Variants in ANKRD36C observed in about 807,000 individuals in gnomAD.
ANKRD36C encodes ankyrin repeat domain 36C, also known as ankyrin repeat domain-containing protein 36C.
In ANKRD36C, 61 loss-of-function variants were observed where a neutral mutation model predicts 276.4. That is an observed-to-expected ratio of 0.22 (90% confidence interval 0.18 to 0.27). The LOEUF (loss-of-function observed/expected upper bound fraction) is 0.27. Among genes scored for constraint, ANKRD36C ranks in the 10% least tolerant of loss-of-function variants. ANKRD36C has a pLI of 1.00. For missense variants in ANKRD36C, 1,447 were observed against 2,032.3 expected (o/e 0.71, Z 5.54); for synonymous variants, 483 against 680.1 (o/e 0.71, Z 4.51).
intron 16 of ANKRD36C, among the ~76,000 whole-genome samples, chr2:95,949,421 A>G (rs1474061456): frequency 6.6e-6 from 1 of 151,700 alleles, no homozygotes; most frequent in Non-Finnish European, 1.5e-5. Context: ...CACTATCTAA[A>G]TATCTTCCTT....
At chr2:95,914,540 A>C (rs1161370476) in intron 38 of ANKRD36C, among the ~76,000 whole-genome samples, 1 of 151,452 alleles carries the variant, frequency 6.6e-6, no homozygotes, top group Non-Finnish European at 1.5e-5. Flanking sequence ...TCATATGTCG[A>C]AAACTAAAAT....
At chr2:95,858,163 A>T (rs1188549434) in intron 61 of ANKRD36C, among the ~76,000 whole-genome samples, 4 of 151,582 alleles carry the variant, frequency 2.6e-5, no homozygotes, top group Non-Finnish European at 4.4e-5. Flanking sequence ...CGACCCAACC[A>T]CCTTGGGCAC....
chr2:95,885,938 A>G, intron 52 of ANKRD36C, 110 bp downstream of exon 72: 2 of 1,543,104 alleles, frequency 1.3e-6, no homozygotes, highest in Non-Finnish European at 1.8e-6. Context: ...AATCTCAAGC[A>G]TGCTGAATCC....
exon 37 of ANKRD36C, chr2:95,916,143 C>T: frequency 3.1e-6 from 5 of 1,605,348 alleles, no homozygotes; most frequent in Non-Finnish European, 4.2e-6. Flanking sequence ...GTTTCATTAC[C>T]TTCAAGGCTG....
chr2:95,946,046 A>G (rs1412433385), intron 17 of ANKRD36C, among the ~76,000 whole-genome samples: 1 of 151,528 alleles, frequency 6.6e-6, no homozygotes, highest in African/African-American at 2.4e-5. Context: ...TATGTAATAA[A>G]AAGTTTAATT....
rs772451362 is a variant in ANKRD36C, at chr2:95,851,906, G to A, written c.5220-119C>T. ...ATTCTTAGCAATCACAAAAGTAGAC[G>A]ATTGGGCTACTGTGTCATTTTTCTA... is the stretch of plus-strand genomic sequence containing the variant. On this transcript the variant is annotated intron_variant, in intron 65 of 66. Transcript: ENST00000456556. 39 of 1,134,956 alleles carry A rather than the reference G, an allele frequency of 3.4e-5. No individual in the cohort carries two copies. The South Asian group carries it at 4.8e-4, about 14-fold the overall frequency. The allele number at this position is 1,134,956 out of a possible 1,614,324, so 70.3% of individuals were successfully genotyped here.
chr2:95,956,948 G>A, intron 12 of ANKRD36C, 132 bp from the exon 13 acceptor site: 1 of 813,248 alleles, frequency 1.2e-6, no homozygotes, highest in Non-Finnish European at 1.9e-6. Context: ...AATATCACTT[G>A]AGAAGCCCAG....
exon 8 of ANKRD36C, chr2:95,962,398 G>A (rs777058477): frequency 3.8e-6 from 6 of 1,567,690 alleles, no homozygotes; most frequent in Non-Finnish European, 5.2e-6. Flanking sequence ...CTATATTCGA[G>A]ATAGAATCTT....
At chr2:95,864,161 C>A (rs1277627358) in intron 60 of ANKRD36C, among the ~76,000 whole-genome samples, 6 of 151,938 alleles carry the variant, frequency 3.9e-5, no homozygotes, top group African/African-American at 1.5e-4. Context: ...ATAATAAATT[C>A]TAAATGAGAC....
At chr2:95,942,354 C>A (rs1216827328) in intron 19 of ANKRD36C, among the ~76,000 whole-genome samples, 1 of 152,310 alleles carries the variant, frequency 6.6e-6, no homozygotes, top group Non-Finnish European at 1.5e-5. Context: ...TTAATGTATG[C>A]AGATATTTAT....
At chr2:95,852,291 G>A in intron 64 of ANKRD36C, 95 bp from the exon 85 acceptor site, 1 of 875,240 alleles carries the variant, frequency 1.1e-6, no homozygotes, top group Non-Finnish European at 1.8e-6. Flanking sequence ...AAATATTTTA[G>A]ACTATCAGAA....
At chr2:95,945,070 A>G (rs1447037410) in intron 18 of ANKRD36C, 44 bp downstream of exon 18, 3 of 1,515,642 alleles carry the variant, frequency 2.0e-6, no homozygotes, top group Non-Finnish European at 2.7e-6. Context: ...AAAGAAAAAA[A>G]AGAATCAGTA....
chr2:95,947,345 T>G (rs1016841519), intron 17 of ANKRD36C, among the ~76,000 whole-genome samples: 1 of 152,158 alleles, frequency 6.6e-6, no homozygotes, highest in African/African-American at 2.4e-5. Flanking sequence ...ATTAGATATC[T>G]CAGGCATATT....
rs753162989 is a variant in ANKRD36C at position 95,890,001 on chromosome 2, A to G, written c.2858-7T>C. On this transcript the variant is annotated splice_polypyrimidine_tract_variant and splice_region_variant and intron_variant, in intron 46 of 66. Coordinates refer to ENST00000456556, the Ensembl canonical transcript of ANKRD36C. ...GGTTGTTTATGAGAAGACACTGAAA[A>G]GCAAAAAGGATACATAATCACTCAT... 6.2e-7 allele frequency: 1 copy of G among 1,608,806 alleles called. No individual in the cohort carries two copies. The highest frequency in any genetic ancestry group is 8.5e-7 in the Non-Finnish European group (1 of 1,176,364).
At chr2:95,945,448 C>T (rs1381991120) in intron 17 of ANKRD36C, among the ~76,000 whole-genome samples, 1 of 152,308 alleles carries the variant, frequency 6.6e-6, no homozygotes, top group East Asian at 1.9e-4. Context: ...TTTTATTAAC[C>T]ACAACAAACT....
intron 42 of ANKRD36C, 30 bp downstream of exon 45, chr2:95,910,510 C>A (rs780235156): frequency 1.2e-6 from 2 of 1,604,352 alleles, no homozygotes; most frequent in African/African-American, 1.3e-5. Flanking sequence ...TACATTAACT[C>A]GTTCACAATA....
Position 95,925,436 on chromosome 2 carries a change from G to A in ANKRD36C, c.1969-12C>T, listed in dbSNP as rs1677377275. The A allele has an allele frequency of 1.3e-6, 2 of 1,551,052 alleles. No homozygotes were observed. The highest frequency in any genetic ancestry group is 1.4e-5 in the African/African-American group (1 of 72,680). On this transcript the variant is annotated splice_polypyrimidine_tract_variant and intron_variant, in intron 29 of 66. Transcript: ENST00000456556. Reference sequence around the variant, plus strand: ...TTTTTAAATATAACCTGAATGGAAAGAGAAACAAAATAGTCAATACATAAT... The same window carrying A: ...TTTTTAAATATAACCTGAATGGAAAAAGAAACAAAATAGTCAATACATAAT...
chr2:95,896,863 C>T (rs1296282358), intron 44 of ANKRD36C, among the ~76,000 whole-genome samples: 1 of 149,626 alleles, frequency 6.7e-6, no homozygotes, highest in Admixed American at 6.7e-5. Flanking sequence ...CTTAGTTCTC[C>T]TAACAGTGTC....
exon 38 of ANKRD36C, chr2:95,916,034 C>G (rs920132791): frequency 3.8e-6 from 6 of 1,575,740 alleles, no homozygotes; most frequent in African/African-American, 1.4e-5. Context: ...GAAAAAGAAT[C>G]TTTCTCATCA....
Sources: allele counts gnomAD v4.1 joint callset (sites outside exome capture counted in the v4.1 genomes callset), GRCh38; gene constraint gnomAD v4.1.1; transcripts MANE v1.5; gene names NCBI Gene and HGNC (gene_info 2026-07-23, HGNC 2026-07-21).